Variants in MIS18A observed in about 807,000 individuals in gnomAD.
MIS18A encodes the protein MIS18 kinetochore protein A.
In MIS18A, 14 loss-of-function variants were observed where a neutral mutation model predicts 25.0. The ratio of observed to expected loss-of-function variants is 0.56; its 90% CI spans 0.37 to 0.88. MIS18A has a LOEUF of 0.88. MIS18A is among the 40% of genes least tolerant of loss of function. The probability of loss-of-function intolerance (pLI) is 0.00; values close to 1 mark genes in which losing one functional copy is unlikely to be tolerated. For missense variants in MIS18A, 292 were observed against 290.8 expected, an observed-to-expected ratio of 1.00 and a Z score of -0.03; for synonymous variants, 134 against 118.6, an observed-to-expected ratio of 1.13 and a Z score of -0.84.
At chr21:32,245,973 G>C in the MIS18A span, among the ~76,000 whole-genome samples, 1 of 152,292 alleles carries the variant, frequency 6.6e-6, no homozygotes, top group South Asian at 2.1e-4. Context: ...GGCTTCTGGA[G>C]TGGCCTCAGG....
the MIS18A span, among the ~76,000 whole-genome samples, chr21:32,238,049 T>C: frequency 6.6e-6 from 1 of 152,182 alleles, no homozygotes; most frequent in East Asian, 1.9e-4. Flanking sequence ...CATATCTATA[T>C]AATATGTCAA....
At chr21:32,228,023 T>G in the MIS18A span, among the ~76,000 whole-genome samples, 1 of 152,160 alleles carries the variant, frequency 6.6e-6, no homozygotes, top group Admixed American at 6.5e-5. Flanking sequence ...AAACTAGTAA[T>G]AGAAGGGAAT....
chr21:32,212,632 C>T, the MIS18A span, among the ~76,000 whole-genome samples: 3 of 152,246 alleles, frequency 2.0e-5, no homozygotes, highest in Admixed American at 6.5e-5. Flanking sequence ...CAGGCTTTCA[C>T]CTATTGATAT....
downstream of MIS18A, among the ~76,000 whole-genome samples, chr21:32,263,750 G>A (rs568657236): frequency 1.3e-4 from 19 of 151,362 alleles, no homozygotes; most frequent in African/African-American, 4.4e-4. Context: ...AAGTCAAACA[G>A]TATAAAAGGA....
the MIS18A span, among the ~76,000 whole-genome samples, chr21:32,177,789 A>G: frequency 6.6e-6 from 1 of 152,134 alleles, no homozygotes; most frequent in African/African-American, 2.4e-5. Flanking sequence ...AATTATTAGT[A>G]AGTAAAGAGA....
chr21:32,271,570 C>G (rs1424240441), intron 2 of MIS18A, among the ~76,000 whole-genome samples: 2 of 152,156 alleles, frequency 1.3e-5, no homozygotes, highest in Non-Finnish European at 2.9e-5. Flanking sequence ...GATAGTATGC[C>G]ACTGATTACA....
the MIS18A span, among the ~76,000 whole-genome samples, chr21:32,189,771 G>A: frequency 6.6e-6 from 1 of 152,110 alleles, no homozygotes; most frequent in Non-Finnish European, 1.5e-5. Flanking sequence ...CACCTCAGGT[G>A]GGAGACACCT....
the MIS18A span, among the ~76,000 whole-genome samples, chr21:32,162,601 A>C: frequency 1.3e-5 from 2 of 152,178 alleles, no homozygotes; most frequent in African/African-American, 4.8e-5. Context: ...ATATTGTTCA[A>C]GTATAGCTCT....
chr21:32,179,422 C>T, the MIS18A span, among the ~76,000 whole-genome samples: 397 of 148,242 alleles, frequency 2.7e-3, no homozygotes, highest in African/African-American at 9.5e-3. Context: ...CTCCTATGTC[C>T]CCCTTCATGC....
the MIS18A span, among the ~76,000 whole-genome samples, chr21:32,239,750 T>C: frequency 6.6e-6 from 1 of 152,208 alleles, no homozygotes; most frequent in African/African-American, 2.4e-5. Flanking sequence ...ACCCTTAGGT[T>C]TGGTATTTTC....
At chr21:32,196,574 C>T in the MIS18A span, among the ~76,000 whole-genome samples, 1 of 151,810 alleles carries the variant, frequency 6.6e-6, no homozygotes, top group Admixed American at 6.6e-5. Flanking sequence ...CCTGCCTCAG[C>T]ATCCCAAGTA....
At chr21:32,178,166 C>T in the MIS18A span, among the ~76,000 whole-genome samples, 2 of 152,120 alleles carry the variant, frequency 1.3e-5, no homozygotes, top group Non-Finnish European at 2.9e-5. Flanking sequence ...GCACTCCTCA[C>T]ATCTCCGTCT....
At chr21:32,200,305 T>G in the MIS18A span, among the ~76,000 whole-genome samples, 1 of 152,208 alleles carries the variant, frequency 6.6e-6, no homozygotes, top group South Asian at 2.1e-4. Context: ...AACAAGTGTG[T>G]CTTCATAAAG....
intron 1 of MIS18A, among the ~76,000 whole-genome samples, chr21:32,275,252 G>C (rs766183449): frequency 2.0e-5 from 3 of 152,070 alleles, no homozygotes. Context: ...ATTTTAAAAG[G>C]TTATTTCCTC....
the MIS18A span, among the ~76,000 whole-genome samples, chr21:32,236,814 G>C: frequency 6.6e-6 from 1 of 152,158 alleles, no homozygotes; most frequent in Non-Finnish European, 1.5e-5. Context: ...GTTTAACTTG[G>C]GAGCCATGAG....
chr21:32,252,218 AAGAAGAAGAAGAAGAAGAAGAAGGAGG>A, the MIS18A span, among the ~76,000 whole-genome samples: 2 of 88,798 alleles, frequency 2.3e-5, no homozygotes, highest in African/African-American at 1.2e-4. Flanking sequence ...GAAGAAGAAG[AAGAAGAAGAAGAAGAAGAAGAAGGAGG>A]AGGAGGAGGA....
chr21:32,266,410 C>T (rs1289474426), downstream of MIS18A, among the ~76,000 whole-genome samples: 5 of 152,150 alleles, frequency 3.3e-5, no homozygotes, highest in African/African-American at 9.7e-5. Flanking sequence ...GCAACCTGCT[C>T]GGGTCCCCTT....
At chr21:32,184,209 T>G in the MIS18A span, among the ~76,000 whole-genome samples, 1 of 152,162 alleles carries the variant, frequency 6.6e-6, no homozygotes, top group Admixed American at 6.5e-5. Flanking sequence ...GTAGATTCTG[T>G]TACTGCCCTC....
the MIS18A span, among the ~76,000 whole-genome samples, chr21:32,173,644 A>AT: frequency 6.6e-6 from 1 of 152,198 alleles, no homozygotes; most frequent in Non-Finnish European, 1.5e-5. Context: ...CTTAAAAACA[A>AT]TAAGTGGAAG....
Sources: allele counts gnomAD v4.1 joint callset (sites outside exome capture counted in the v4.1 genomes callset), GRCh38; gene constraint gnomAD v4.1.1; transcripts MANE v1.5; gene names NCBI Gene and HGNC (gene_info 2026-07-23, HGNC 2026-07-21).